The following CST7 variants were observed in gnomAD, a reference collection of about 807,000 sequenced individuals.
CST7 encodes the protein cystatin F.
In CST7, 15 loss-of-function variants were observed where a neutral mutation model predicts 13.1. The observed-to-expected ratio is 1.14, with a 90% CI of 0.77 to 1.76. The LOEUF is 1.76. Ranked by LOEUF, CST7 falls within the 40% of genes most tolerant of loss-of-function variation. CST7 has a pLI of 0.00. For missense variants in CST7, 193 were observed against 178.8 expected (o/e 1.08, Z -0.45); for synonymous variants, 75 against 66.9 (o/e 1.12, Z -0.59).
chr20:24,957,493 C>T, intron 2 of CST7, 34 bp downstream of exon 2: 1 of 1,605,122 alleles, frequency 6.2e-7, no homozygotes, highest in Non-Finnish European at 8.5e-7. Context: ...ATATCACGGA[C>T]ACCCCTAGGA....
At chr20:24,958,681 T>A (rs1318190497) in intron 2 of CST7, among the ~76,000 whole-genome samples, 2 of 151,822 alleles carry the variant, frequency 1.3e-5, no homozygotes, top group Non-Finnish European at 2.9e-5. Context: ...CCCTCCTGAG[T>A]GCAGAGCTCT....
intron 1 of CST7, among the ~76,000 whole-genome samples, chr20:24,952,022 C>A (rs936167210): frequency 2.0e-5 from 3 of 152,168 alleles, no homozygotes; most frequent in African/African-American, 7.2e-5. Flanking sequence ...ACTTGCAGCC[C>A]GGGGACCTCC....
At chr20:24,951,159 C>T (rs1330505512) in intron 1 of CST7, among the ~76,000 whole-genome samples, 1 of 152,192 alleles carries the variant, frequency 6.6e-6, no homozygotes, top group Non-Finnish European at 1.5e-5. Context: ...GACCTGCTGT[C>T]AGCCACCAAA....
chr20:24,949,453 A>C lies in CST7; in HGVS notation c.-53A>C. ...TCCAACTGCCCCATGCTGCCTGAGA[A>C]GGCACTGCACGGCCACCCCCAACTG... On this transcript the variant is annotated 5_prime_UTR_variant, in exon 1 of 4. Transcript: ENST00000480798. 1 of 1,613,656 alleles carries C rather than the reference A, an allele frequency of 6.2e-7. No individual in the cohort carries two copies. The highest frequency in any genetic ancestry group is 8.5e-7 in the Non-Finnish European group (1 of 1,179,836).
rs371245813 is a variant in CST7, at chr20:24,954,784, C to T, written c.71-2503C>T. Among the ~76,000 whole-genome samples the T allele has an allele frequency of 1.8e-4, 27 of 152,210 alleles. 1 individual carries two copies. The highest frequency in any genetic ancestry group is 6.0e-4 in the African/African-American group (25 of 41,520). ...GAAGGGAAATTTATTTGAAGTTCAG[C>T]GTAAACTGAGTTTCACTTCATTTTT... On this transcript the variant is annotated intron_variant, in intron 1 of 3. Coordinates refer to ENST00000480798, the MANE Select transcript of CST7 (RefSeq NM_003650.4).
chr20:24,956,100 T>TC (rs1319286329), intron 1 of CST7, among the ~76,000 whole-genome samples: 1 of 152,076 alleles, frequency 6.6e-6, no homozygotes, highest in African/African-American at 2.4e-5. Context: ...CCACAGAACT[T>TC]CCAGTCCCAT....
At chr20:24,956,977 A>G (rs867942470) in intron 1 of CST7, among the ~76,000 whole-genome samples, 149 of 12,774 alleles carry the variant, frequency 0.012, no homozygotes, top group African/African-American at 0.042. Context: ...AATGCACTGC[A>G]GGGGTGTCGG....
At chr20:24,954,439 C>T (rs2087840952) in intron 1 of CST7, among the ~76,000 whole-genome samples, 1 of 152,244 alleles carries the variant, frequency 6.6e-6, no homozygotes. Context: ...GCTGCATTCG[C>T]TCACCACCTG....
intron 1 of CST7, among the ~76,000 whole-genome samples, chr20:24,953,429 T>C (rs901244624): frequency 1.4e-4 from 22 of 152,172 alleles, no homozygotes; most frequent in Admixed American, 2.0e-4. Flanking sequence ...AACTGGTTGC[T>C]GGAATTGGGA....
intron 2 of CST7, 144 bp from the exon 3 acceptor site, chr20:24,958,784 C>T: frequency 1.5e-6 from 1 of 664,410 alleles, no homozygotes. Context: ...CTGCCGTAAG[C>T]CCGAAGCATT....
intron 1 of CST7, among the ~76,000 whole-genome samples, chr20:24,957,012 AG>A (rs1170171306): frequency 1.2e-3 from 8 of 6,438 alleles, no homozygotes; most frequent in South Asian, 4.2e-3. Flanking sequence ...GGGGCAGGTG[AG>A]GGGGGCAGGT....
intron 1 of CST7, among the ~76,000 whole-genome samples, chr20:24,956,743 A>G (rs1019181571): frequency 7.3e-4 from 111 of 151,978 alleles, no homozygotes; most frequent in African/African-American, 2.6e-3. Flanking sequence ...GGACGGCGCC[A>G]TCTCCTTCCG....
In CST7 at chr20:24,959,807, CCT is replaced by C; in HGVS notation, c.*99_*100del. ...CGCCTCATGACCCAGCCTCACAGAC[CCT>C]CTCAGGCCTCTGACGAGTGAGCGGG... is the stretch of plus-strand genomic sequence containing the variant. On this transcript the variant is annotated 3_prime_UTR_variant, in exon 4 of 4. Transcript: ENST00000480798. The C allele has an allele frequency of 8.1e-7, 1 of 1,227,470 alleles. No individual in the cohort carries two copies. The highest frequency in any genetic ancestry group is 1.2e-6 in the Non-Finnish European group (1 of 833,208). The allele number at this position is 1,227,470 out of a possible 1,614,324, so 76.0% of individuals were successfully genotyped here. A position where few individuals can be genotyped will look rare whatever the true frequency, so the allele number is the denominator to read the frequency against.
chr20:24,957,023 T>TAA (rs1463894064), intron 1 of CST7, among the ~76,000 whole-genome samples: 3 of 2,622 alleles, frequency 1.1e-3, no homozygotes, highest in Non-Finnish European at 7.9e-4. Flanking sequence ...GGGGGGCAGG[T>TAA]GAGGGGAGCA....
intron 1 of CST7, among the ~76,000 whole-genome samples, chr20:24,955,795 A>G (rs1427355531): frequency 6.6e-6 from 1 of 152,138 alleles, no homozygotes; most frequent in Non-Finnish European, 1.5e-5. Context: ...TGTGACACTA[A>G]TTAGTGTGAA....
intron 1 of CST7, among the ~76,000 whole-genome samples, chr20:24,954,090 A>C (rs2087838157): frequency 6.7e-6 from 1 of 149,592 alleles, no homozygotes; most frequent in African/African-American, 2.5e-5. Flanking sequence ...CTGCCTCCCC[A>C]CCACTGTGGG....
At chr20:24,955,513 G>C (rs866955384) in intron 1 of CST7, among the ~76,000 whole-genome samples, 1 of 149,702 alleles carries the variant, frequency 6.7e-6, no homozygotes, top group Non-Finnish European at 1.5e-5. Context: ...GCAGTGGCGC[G>C]ATCTCGGCTC....
In CST7 at chr20:24,951,733, T is replaced by C. The variant is rs1456399244; in HGVS notation, c.70+2158T>C. ...CCCATGCACTGAACTGCACAGACCA[T>C]AGCGCTGAGCCCCTCAGGGCACCTC... On this transcript the variant is annotated intron_variant, in intron 1 of 3. Coordinates refer to ENST00000480798, the MANE Select transcript of CST7 (RefSeq NM_003650.4). Among the ~76,000 whole-genome samples the C allele has an allele frequency of 3.9e-5, 6 of 152,290 alleles. No homozygotes were observed. In the South Asian group the frequency reaches 8.3e-4, roughly 21 times the overall value.
In CST7 at chr20:24,949,425, G is replaced by A. The variant is rs371217620; in HGVS notation, c.-81G>A. 1.9e-6 allele frequency: 3 copies of A among 1,611,064 alleles called. No individual in the cohort carries two copies. Among genetic ancestry groups the A allele is most frequent in the Middle Eastern group, 3.3e-4 (2 of 5,988 alleles). ...AGGCTCGGCACGGGCACCAACCACT[G>A]CCTCCAACTGCCCCATGCTGCCTGA... On this transcript the variant is annotated 5_prime_UTR_variant, in exon 1 of 4. Transcript: ENST00000480798.
Sources: allele counts gnomAD v4.1 joint callset (sites outside exome capture counted in the v4.1 genomes callset), GRCh38; gene constraint gnomAD v4.1.1; transcripts MANE v1.5; gene names NCBI Gene and HGNC (gene_info 2026-07-23, HGNC 2026-07-21).